Variants in RNLS observed in about 807,000 individuals in gnomAD.
RNLS encodes renalase.
In RNLS, 39 loss-of-function variants were observed where a neutral mutation model predicts 39.8. The ratio of observed to expected loss-of-function variants is 0.98; its 90% CI spans 0.76 to 1.28. The LOEUF is 1.28. Ranked by LOEUF, RNLS falls within the 50% of genes most tolerant of loss-of-function variation. The pLI is 0.00. For synonymous variants in RNLS, 147 were observed against 150.7 expected (o/e 0.98, Z 0.18); for missense variants, 410 against 413.3 (o/e 0.99, Z 0.07).
At chr10:88,443,422 A>G (rs1841840500) in intron 4 of RNLS, among the ~76,000 whole-genome samples, 1 of 152,140 alleles carries the variant, frequency 6.6e-6, no homozygotes, top group African/African-American at 2.4e-5. Flanking sequence ...TGCATTTCCA[A>G]CTGAGGTACC....
the RNLS span, among the ~76,000 whole-genome samples, chr10:88,263,641 C>T: frequency 3.9e-5 from 6 of 151,990 alleles, no homozygotes; most frequent in African/African-American, 1.5e-4. Flanking sequence ...CTTAATTGCA[C>T]TGATTGGGAA....
intron 4 of RNLS, among the ~76,000 whole-genome samples, chr10:88,436,698 G>C (rs1418358814): frequency 2.6e-5 from 4 of 151,972 alleles, no homozygotes; most frequent in African/African-American, 9.7e-5. Flanking sequence ...TGGGCGTCAA[G>C]TTGGTCTTTG....
At chr10:88,219,589 G>C in the RNLS span, among the ~76,000 whole-genome samples, 166 of 152,188 alleles carry the variant, frequency 1.1e-3, no homozygotes, top group African/African-American at 3.9e-3. Flanking sequence ...GCCAGTCTTT[G>C]CTGCTTCCCT....
At chr10:88,441,796 G>A (rs777907442) in intron 4 of RNLS, among the ~76,000 whole-genome samples, 9 of 152,122 alleles carry the variant, frequency 5.9e-5, no homozygotes, top group Admixed American at 2.0e-4. Context: ...AAATGTTACC[G>A]TGTTTATTCT....
At chr10:88,396,094 A>T (rs1229572451) in intron 4 of RNLS, among the ~76,000 whole-genome samples, 1 of 152,114 alleles carries the variant, frequency 6.6e-6, no homozygotes, top group Non-Finnish European at 1.5e-5. Flanking sequence ...TACTCAAGGA[A>T]GTCCTTCAGG....
At chr10:88,498,477 A>G (rs571553310) in intron 4 of RNLS, among the ~76,000 whole-genome samples, 3 of 150,628 alleles carry the variant, frequency 2.0e-5, no homozygotes, top group South Asian at 2.1e-4. Context: ...TGAAGCAGAA[A>G]AAGTTTTTTT....
At chr10:88,182,972 A>T in the RNLS span, among the ~76,000 whole-genome samples, 1 of 152,018 alleles carries the variant, frequency 6.6e-6, no homozygotes, top group Admixed American at 6.6e-5. Context: ...TTTTGGGGAA[A>T]TTTTCTGTAA....
intron 4 of RNLS, among the ~76,000 whole-genome samples, chr10:88,365,547 ACACACACACG>A (rs1330907362): frequency 4.1e-5 from 5 of 121,856 alleles, no homozygotes; most frequent in Non-Finnish European, 7.0e-5. Context: ...ACACACACAC[ACACACACACG>A]TACGTATATG....
At chr10:88,201,404 G>C in the RNLS span, among the ~76,000 whole-genome samples, 1 of 152,122 alleles carries the variant, frequency 6.6e-6, no homozygotes, top group East Asian at 1.9e-4. Flanking sequence ...TAAAAGGACT[G>C]GCAGCTTCCA....
chr10:88,376,378 G>A (rs967867806), intron 4 of RNLS, among the ~76,000 whole-genome samples: 1 of 152,072 alleles, frequency 6.6e-6, no homozygotes, highest in Non-Finnish European at 1.5e-5. Flanking sequence ...AATGCATATT[G>A]GGAAATTGAA....
downstream of RNLS, among the ~76,000 whole-genome samples, chr10:88,279,635 C>CAGG (rs1842938999): frequency 6.8e-6 from 1 of 147,400 alleles, no homozygotes; most frequent in Non-Finnish European, 1.5e-5. Context: ...AAATAACTCA[C>CAGG]TCCTAGTTTT....
intron 4 of RNLS, among the ~76,000 whole-genome samples, chr10:88,474,797 T>A (rs1286320274): frequency 6.6e-6 from 1 of 152,168 alleles, no homozygotes; most frequent in Non-Finnish European, 1.5e-5. Context: ...AAGTAACATA[T>A]GCCAAGCTCT....
chr10:88,363,667 G>A (rs573830813), intron 4 of RNLS, among the ~76,000 whole-genome samples: 2 of 152,210 alleles, frequency 1.3e-5, no homozygotes, highest in African/African-American at 4.8e-5. Context: ...GACATGCAAA[G>A]AAATAATGTC....
chr10:88,314,315 T>C, intron 6 of RNLS, 151 bp downstream of exon 6: 1 of 740,830 alleles, frequency 1.3e-6, no homozygotes, highest in South Asian at 2.0e-5. Flanking sequence ...CCATAGAAGT[T>C]ATATTTATGT....
rs1849304854 is a variant in RNLS at position 88,563,427 on chromosome 10, A to G, written c.526+9476T>C. On this transcript the variant is annotated intron_variant, in intron 4 of 6. Coordinates refer to ENST00000331772, the MANE Select transcript of RNLS (RefSeq NM_001031709.3). ...AAACTGGTTTACTACATTAAGGTAAATCAAAAGACGAGAGCACTACACAGT... is the reference window on the plus strand; with the variant it reads ...AAACTGGTTTACTACATTAAGGTAAGTCAAAAGACGAGAGCACTACACAGT... Among the ~76,000 whole-genome samples the G allele has an allele frequency of 1.3e-5, 2 of 152,200 alleles. 1 individual carries two copies. The highest frequency in any genetic ancestry group is 4.8e-5 in the African/African-American group (2 of 41,448).
chr10:88,312,936 A>T (rs747125865), intron 6 of RNLS, among the ~76,000 whole-genome samples: 1 of 152,192 alleles, frequency 6.6e-6, no homozygotes, highest in Non-Finnish European at 1.5e-5. Context: ...GAATAGTGGA[A>T]TATGCAAACT....
At chr10:88,328,686 TCTC>T (rs1192690148) in intron 5 of RNLS, among the ~76,000 whole-genome samples, 1 of 152,206 alleles carries the variant, frequency 6.6e-6, no homozygotes, top group Non-Finnish European at 1.5e-5. Context: ...CCTTTATCCT[TCTC>T]CTAAATAATA....
the RNLS span, among the ~76,000 whole-genome samples, chr10:88,185,275 C>T: frequency 6.6e-6 from 1 of 152,096 alleles, no homozygotes; most frequent in Non-Finnish European, 1.5e-5. Context: ...ACCACCTCTA[C>T]CTCATTGGCC....
the RNLS span, among the ~76,000 whole-genome samples, chr10:88,216,689 C>G: frequency 6.6e-6 from 1 of 152,006 alleles, no homozygotes; most frequent in Non-Finnish European, 1.5e-5. Context: ...CCCTCAAGAA[C>G]CATAAATGCT....
Sources: allele counts gnomAD v4.1 joint callset (sites outside exome capture counted in the v4.1 genomes callset), GRCh38; gene constraint gnomAD v4.1.1; transcripts MANE v1.5; gene names NCBI Gene and HGNC (gene_info 2026-07-23, HGNC 2026-07-21).